The following ITGA8 variants were observed in gnomAD, a reference collection of about 807,000 sequenced individuals.
ITGA8 encodes the protein integrin subunit alpha 8, also known as integrin alpha-8.
A neutral mutation model predicts 142.3 loss-of-function variants in ITGA8; 91 were observed. The observed-to-expected ratio is 0.64, with a 90% CI of 0.54 to 0.76. The LOEUF is 0.76. Among genes scored for constraint, ITGA8 ranks in the 30% least tolerant of loss-of-function variants. The probability of loss-of-function intolerance (pLI) is 0.00; values close to 1 mark genes in which losing one functional copy is unlikely to be tolerated. For synonymous variants in ITGA8, 505 were observed against 485.2 expected (o/e 1.04, Z -0.54); for missense variants, 1,406 against 1,327.7 (o/e 1.06, Z -0.92).
intron 2 of ITGA8, among the ~76,000 whole-genome samples, chr10:15,697,282 A>G (rs1386477076): frequency 1.3e-5 from 2 of 152,186 alleles, no homozygotes; most frequent in African/African-American, 4.8e-5. Context: ...AAGTACAGAG[A>G]AATATAAGGA....
At chr10:15,536,999 G>C (rs1460734774) in intron 27 of ITGA8, among the ~76,000 whole-genome samples, 1 of 152,054 alleles carries the variant, frequency 6.6e-6, no homozygotes, top group Non-Finnish European at 1.5e-5. Flanking sequence ...AGCCTTTTGA[G>C]GTGACAAAAC....
intron 2 of ITGA8, among the ~76,000 whole-genome samples, chr10:15,695,096 C>G (rs143127835): frequency 6.6e-6 from 1 of 152,230 alleles, no homozygotes; most frequent in East Asian, 1.9e-4. Flanking sequence ...CCCAAGATAT[C>G]CTTTCTGCCA....
At chr10:15,563,741 C>T (rs536319820) in intron 25 of ITGA8, among the ~76,000 whole-genome samples, 2 of 152,176 alleles carry the variant, frequency 1.3e-5, no homozygotes, top group African/African-American at 2.4e-5. Flanking sequence ...ATGGCAAAAC[C>T]CCATTTCTAC....
chr10:15,517,053 G>T lies in ITGA8; in HGVS notation c.*105C>A. 8.3e-6 allele frequency: 6 copies of T among 720,180 alleles called. No individual in the cohort carries two copies. The highest frequency in any genetic ancestry group is 4.0e-5 in the South Asian group (2 of 50,022). The allele number at this position is 720,180 out of a possible 1,614,324, so 44.6% of individuals were successfully genotyped here. A position where few individuals can be genotyped will look rare whatever the true frequency, so the allele number is the denominator to read the frequency against. The stretch of plus-strand genomic sequence containing the variant: ...TTCCAGGGTCCCCTCCATTTCCTGG[G>T]TCACTGTCAGGTATCAGAAAGCTTT... On this transcript the variant is annotated 3_prime_UTR_variant, in exon 30 of 30. Transcript: ENST00000378076.
At chr10:15,548,590 C>A (rs370286365) in intron 26 of ITGA8, 22 bp from the exon 27 acceptor site, 1 of 1,482,360 alleles carries the variant, frequency 6.7e-7, no homozygotes, top group South Asian at 1.1e-5. Context: ...AGTGGGAACA[C>A]GTCAGAGTCT....
intron 2 of ITGA8, among the ~76,000 whole-genome samples, chr10:15,690,600 C>G (rs906463981): frequency 2.0e-5 from 3 of 152,196 alleles, no homozygotes; most frequent in African/African-American, 7.2e-5. Context: ...TGAAACATAG[C>G]ACCCCGTGGC....
intron 11 of ITGA8, among the ~76,000 whole-genome samples, chr10:15,647,799 A>G (rs905486510): frequency 2.0e-5 from 3 of 152,204 alleles, no homozygotes; most frequent in Non-Finnish European, 2.9e-5. Flanking sequence ...TTTAAAATCA[A>G]TTTTGTCCTT....
chr10:15,707,822 A>T (rs1022130316), intron 2 of ITGA8, among the ~76,000 whole-genome samples: 1 of 134,824 alleles, frequency 7.4e-6, no homozygotes, highest in Non-Finnish European at 1.6e-5. Context: ...GTTTCCTTCT[A>T]AAAAAAAAAA....
intron 3 of ITGA8, among the ~76,000 whole-genome samples, chr10:15,687,057 A>G (rs1382927687): frequency 1.3e-5 from 2 of 152,196 alleles, no homozygotes; most frequent in African/African-American, 2.4e-5. Flanking sequence ...ATATTAATGC[A>G]AAGACAACTC....
At chr10:15,615,803 C>T (rs548111520) in intron 14 of ITGA8, among the ~76,000 whole-genome samples, 41 of 152,180 alleles carry the variant, frequency 2.7e-4, no homozygotes, top group African/African-American at 9.2e-4. Context: ...CATGAGGCAC[C>T]GTGTCCTGCC....
chr10:15,558,246 C>T (rs781029235), intron 25 of ITGA8, 44 bp from the exon 26 acceptor site: 9 of 1,606,856 alleles, frequency 5.6e-6, no homozygotes, highest in Non-Finnish European at 6.8e-6. Flanking sequence ...AACACATGAA[C>T]AGTTGCTACA....
At position 15,558,113 on chromosome 10, in the gene ITGA8, A is replaced by G. The variant is rs1833915616; in HGVS notation, c.2727T>C (p.His909=). The stretch of plus-strand genomic sequence containing the variant: ...GGCTCTGTCTGTGGAATTCGACCAC[A>G]TGTACATCCCTCTTCCTGACAAGAT... ...IPHLVRKRDV[H]VVEFHRQSPA... The change falls in exon 26 of 30, where the codon CAT becomes CAC. Residue 909 remains histidine (H), a synonymous_variant. Coordinates refer to ENST00000378076, the MANE Select transcript of ITGA8 (RefSeq NM_003638.3). The G allele has an allele frequency of 6.2e-7, 1 of 1,614,206 alleles. No individual in the cohort carries two copies. The highest frequency in any genetic ancestry group is 1.1e-5 in the South Asian group (1 of 91,090).
intron 2 of ITGA8, among the ~76,000 whole-genome samples, chr10:15,691,124 A>T (rs1344368144): frequency 6.6e-6 from 1 of 152,220 alleles, no homozygotes; most frequent in Non-Finnish European, 1.5e-5. Flanking sequence ...GGGATATGCA[A>T]ATTAAACCTC....
At chr10:15,656,764 AG>A (rs1834193272) in intron 10 of ITGA8, among the ~76,000 whole-genome samples, 1 of 152,186 alleles carries the variant, frequency 6.6e-6, no homozygotes, top group Non-Finnish European at 1.5e-5. Context: ...CCATAGTTTC[AG>A]GTTGCCAGTT....
chr10:15,589,759 G>A (rs991604267), intron 22 of ITGA8, among the ~76,000 whole-genome samples: 7 of 119,200 alleles, frequency 5.9e-5, no homozygotes, highest in African/African-American at 9.8e-5. Flanking sequence ...TTACTCAAAC[G>A]CTGTATTTTT....
At chr10:15,573,042 TAA>T (rs780096382) in intron 24 of ITGA8, among the ~76,000 whole-genome samples, 6 of 152,374 alleles carry the variant, frequency 3.9e-5, no homozygotes, top group Non-Finnish European at 8.8e-5. Flanking sequence ...TCCAGTGTTT[TAA>T]AAATTTAAAG....
intron 2 of ITGA8, among the ~76,000 whole-genome samples, chr10:15,708,980 G>C (rs971179571): frequency 3.9e-5 from 6 of 152,270 alleles, no homozygotes; most frequent in South Asian, 4.2e-4. Context: ...TTAAGCCAAA[G>C]ATACGAGGTT....
intron 27 of ITGA8, 53 bp downstream of exon 27, chr10:15,548,402 G>A: frequency 8.0e-7 from 1 of 1,253,302 alleles, no homozygotes; most frequent in Non-Finnish European, 1.1e-6. Context: ...CTGAGCTTTT[G>A]TGAAGCAGCT....
chr10:15,699,306 A>T lies in ITGA8; in HGVS notation c.344-11268T>A, dbSNP rs138053798. Among the ~76,000 whole-genome samples, 697 of 152,278 alleles carry T rather than the reference A, an allele frequency of 4.6e-3. 3 individuals are homozygous for T. The highest frequency in any genetic ancestry group is 0.016 in the African/African-American group (658 of 41,548). On this transcript the variant is annotated intron_variant, in intron 2 of 29. Coordinates refer to ENST00000378076, the MANE Select transcript of ITGA8 (RefSeq NM_003638.3). ...CTCAAAAACAAACAAACAAAAAAAC[A>T]AAAACATGGCATTATATTTTCTGTA...
Sources: allele counts gnomAD v4.1 joint callset (sites outside exome capture counted in the v4.1 genomes callset), GRCh38; gene constraint gnomAD v4.1.1; transcripts MANE v1.5; gene names NCBI Gene and HGNC (gene_info 2026-07-23, HGNC 2026-07-21).